Variants in SGCZ observed in about 807,000 individuals in gnomAD.
SGCZ encodes the protein zeta-sarcoglycan.
Under a neutral mutation model 41.3 loss-of-function variants are expected in SGCZ, and 40 were observed. The ratio of observed to expected loss-of-function variants is 0.97; its 90% CI spans 0.75 to 1.26. The LOEUF (loss-of-function observed/expected upper bound fraction) is 1.26, where lower values mean the gene tolerates loss of function less well. Among genes scored for constraint, SGCZ ranks in the 50% most tolerant of loss-of-function variants. SGCZ has a pLI of 0.00. For synonymous variants in SGCZ, 206 were observed against 137.5 expected, an observed-to-expected ratio of 1.50 and a Z score of -3.49; for missense variants, 552 against 369.8, an observed-to-expected ratio of 1.49 and a Z score of -4.04.
chr8:14,780,224 A>T (rs1245746060), intron 1 of SGCZ, among the ~76,000 whole-genome samples: 1 of 151,892 alleles, frequency 6.6e-6, no homozygotes, highest in African/African-American at 2.4e-5. Flanking sequence ...AATACAAAAA[A>T]ATTAGCCTGG....
intron 4 of SGCZ, among the ~76,000 whole-genome samples, chr8:14,196,663 C>G (rs1368767171): frequency 3.3e-5 from 5 of 152,006 alleles, no homozygotes; most frequent in African/African-American, 7.3e-5. Flanking sequence ...AATGAATAAA[C>G]AACAGGTAGT....
intron 1 of SGCZ, among the ~76,000 whole-genome samples, chr8:14,562,299 T>C (rs376908862): frequency 1.3e-5 from 2 of 152,162 alleles, no homozygotes; most frequent in African/African-American, 4.8e-5. Flanking sequence ...TTTAATAAAA[T>C]ATTTACGAGT....
At chr8:14,992,886 C>T (rs1313659042) in intron 1 of SGCZ, among the ~76,000 whole-genome samples, 3 of 146,118 alleles carry the variant, frequency 2.1e-5, no homozygotes, top group Non-Finnish European at 3.0e-5. Flanking sequence ...ACCTCTCGCC[C>T]ATCCTCCTCA....
At chr8:14,887,732 A>C (rs1402794938) in intron 1 of SGCZ, among the ~76,000 whole-genome samples, 1 of 152,192 alleles carries the variant, frequency 6.6e-6, no homozygotes, top group Non-Finnish European at 1.5e-5. Context: ...TGAATACTTA[A>C]AGGTTAAATA....
At chr8:14,376,812 T>G (rs973044011) in intron 2 of SGCZ, among the ~76,000 whole-genome samples, 1 of 152,112 alleles carries the variant, frequency 6.6e-6, no homozygotes, top group Non-Finnish European at 1.5e-5. Context: ...CAACATTACA[T>G]GAAAAAATGA....
intron 1 of SGCZ, among the ~76,000 whole-genome samples, chr8:14,884,132 T>C (rs1335959320): frequency 1.3e-5 from 2 of 152,138 alleles, no homozygotes; most frequent in African/African-American, 2.4e-5. Flanking sequence ...AAGAGATAAT[T>C]TGAAGCATCA....
chr8:14,868,923 G>A (rs1366009881), intron 1 of SGCZ, among the ~76,000 whole-genome samples: 1 of 152,010 alleles, frequency 6.6e-6, no homozygotes, highest in Non-Finnish European at 1.5e-5. Context: ...CCAATAACAA[G>A]TTCTGGAATC....
chr8:15,070,560 T>G (rs1323767495), intron 1 of SGCZ, among the ~76,000 whole-genome samples: 1 of 152,098 alleles, frequency 6.6e-6, no homozygotes, highest in Non-Finnish European at 1.5e-5. Flanking sequence ...ATGTAACGAG[T>G]AAGAATTGCA....
chr8:14,540,219 AATTTTTTTT>A (rs1486788774), intron 2 of SGCZ, among the ~76,000 whole-genome samples: 38 of 55,418 alleles, frequency 6.9e-4, no homozygotes, highest in African/African-American at 3.5e-3. Flanking sequence ...TTCTCTGCTT[AATTTTTTTT>A]TTTTTTTTTT....
intron 1 of SGCZ, among the ~76,000 whole-genome samples, chr8:14,675,145 T>G (rs1485162759): frequency 6.6e-6 from 1 of 151,542 alleles, no homozygotes; most frequent in Non-Finnish European, 1.5e-5. Context: ...TTTCACCGTG[T>G]TAGTCAGGAT....
At chr8:14,360,758 G>A (rs1033532720) in intron 2 of SGCZ, among the ~76,000 whole-genome samples, 9 of 152,122 alleles carry the variant, frequency 5.9e-5, no homozygotes, top group African/African-American at 1.9e-4. Flanking sequence ...AAGCTGCTAT[G>A]GACATTCACG....
chr8:14,523,366 C>T (rs1284810994), intron 2 of SGCZ, among the ~76,000 whole-genome samples: 2 of 151,970 alleles, frequency 1.3e-5, no homozygotes, highest in Non-Finnish European at 2.9e-5. Flanking sequence ...AATATTTCTT[C>T]ATTTTGTCCT....
intron 1 of SGCZ, among the ~76,000 whole-genome samples, chr8:14,711,598 T>TA (rs200467876): frequency 0.16 from 12,910 of 80,114 alleles, 1,005 homozygotes; most frequent in Admixed American, 0.23. Flanking sequence ...TGAGACTCTG[T>TA]AAAAAAAAAA....
chr8:14,350,849 G>A (rs925033645), intron 2 of SGCZ, among the ~76,000 whole-genome samples: 1 of 152,090 alleles, frequency 6.6e-6, no homozygotes, highest in African/African-American at 2.4e-5. Flanking sequence ...CATTATTATT[G>A]TATCGTTTAA....
chr8:14,969,106 G>A (rs1019532470), intron 1 of SGCZ, among the ~76,000 whole-genome samples: 12 of 151,950 alleles, frequency 7.9e-5, no homozygotes, highest in Non-Finnish European at 1.5e-4. Flanking sequence ...AATTAACACC[G>A]CACTCTCATA....
chr8:14,271,855 C>T (rs765372118), intron 3 of SGCZ, among the ~76,000 whole-genome samples: 2 of 152,118 alleles, frequency 1.3e-5, no homozygotes, highest in South Asian at 4.1e-4. Context: ...TCGATCTCAG[C>T]TTTACATCTC....
chr8:14,563,036 G>A (rs1804253666), intron 1 of SGCZ, among the ~76,000 whole-genome samples: 1 of 152,116 alleles, frequency 6.6e-6, no homozygotes, highest in South Asian at 2.1e-4. Flanking sequence ...CTATTATGCT[G>A]ACATGGAGGA....
At chr8:14,826,000 C>T (rs1205513365) in intron 1 of SGCZ, among the ~76,000 whole-genome samples, 1 of 151,784 alleles carries the variant, frequency 6.6e-6, no homozygotes, top group Non-Finnish European at 1.5e-5. Flanking sequence ...AGGTTTGTTA[C>T]ATATGTATAC....
At chr8:14,193,246 T>G (rs1805161354) in intron 4 of SGCZ, among the ~76,000 whole-genome samples, 1 of 151,924 alleles carries the variant, frequency 6.6e-6, no homozygotes, top group South Asian at 2.1e-4. Context: ...CATGGAATAA[T>G]TTTGTTATTT....
Sources: gnomAD v4.1 joint callset for allele counts (sites outside exome capture counted in the v4.1 genomes callset) on GRCh38, gnomAD v4.1.1 for gene constraint, MANE v1.5 for transcripts, NCBI Gene and HGNC (gene_info 2026-07-23, HGNC 2026-07-21) for gene names.